HSPBAP1: variants seen among roughly 807,000 people sequenced by gnomAD.
The protein encoded by HSPBAP1 is HSPB1 associated protein 1.
Under a neutral mutation model 45.2 loss-of-function variants are expected in HSPBAP1, and 27 were observed. That is an observed-to-expected ratio of 0.60 (90% CI 0.44 to 0.82). HSPBAP1 has a LOEUF of 0.82. Ranked by LOEUF, HSPBAP1 falls within the 40% of genes least tolerant of loss-of-function variation. The probability of loss-of-function intolerance (pLI) is 0.00; values close to 1 mark genes in which losing one functional copy is unlikely to be tolerated. For missense variants in HSPBAP1, 510 were observed against 590.9 expected (o/e 0.86, Z 1.42); for synonymous variants, 204 against 202.7 (o/e 1.01, Z -0.06).
chr3:122,791,298 C>T (rs1237497108), intron 1 of HSPBAP1, among the ~76,000 whole-genome samples: 1 of 152,232 alleles, frequency 6.6e-6, no homozygotes, highest in Non-Finnish European at 1.5e-5. Context: ...GATTCCTTAA[C>T]TAGGCCTAAG....
chr3:122,758,741 T>G (rs1934444230), intron 4 of HSPBAP1: 1 of 453,810 alleles, frequency 2.2e-6, no homozygotes, highest in African/African-American at 2.0e-5. Flanking sequence ...ATAAAAAGTT[T>G]TTTAAATTAG....
In HSPBAP1 at chr3:122,741,023, C is replaced by A; in HGVS notation, c.916G>T (p.Ala306Ser). 6.2e-7 allele frequency: 1 copy of A among 1,613,938 alleles called. No individual in the cohort carries two copies. Among genetic ancestry groups the A allele is most frequent in the Non-Finnish European group, 8.5e-7 (1 of 1,179,834 alleles). ...KTAENPQNTR[A>S]WLNPTEVEET... ...CCTACCTCAGTGGGGTTTAACCAGG[C>A]TCTGGTATTTTGTGGATTCTCTGCA... The change falls in exon 7 of 8, where the codon GCC becomes TCC. Residue 306 changes from alanine (A) to serine (S), a missense_variant. By Grantham distance (99) the Ala-to-Ser change is moderately conservative (BLOSUM62 1). Coordinates refer to ENST00000306103, the MANE Select transcript of HSPBAP1 (RefSeq NM_024610.6).
At position 122,740,246 on chromosome 3, in the gene HSPBAP1, G is replaced by C; in HGVS notation, c.*99C>G. ...GGTAAGGATAAATACATTTACAAATGTGCAAACTGACCTTTTGCTGGTTCA... is the reference window on the plus strand; with the variant it reads ...GGTAAGGATAAATACATTTACAAATCTGCAAACTGACCTTTTGCTGGTTCA... On this transcript the variant is annotated 3_prime_UTR_variant, in exon 8 of 8. Transcript: ENST00000306103. The C allele has an allele frequency of 1.4e-6, 1 of 705,968 alleles. No individual in the cohort carries two copies. Among genetic ancestry groups the C allele is most frequent in the South Asian group, 3.1e-5 (1 of 31,838 alleles). The allele number at this position is 705,968 out of a possible 1,614,324, so 43.7% of individuals were successfully genotyped here. A position where few individuals can be genotyped will look rare whatever the true frequency, so the allele number is the denominator to read the frequency against.
In HSPBAP1 at chr3:122,740,414, C is replaced by T; in HGVS notation, c.1398G>A (p.Leu466=). Reference sequence around the variant, plus strand: ...TTACTTGTGGATTCACCAAGCAGTCCAGCAAGTCATCCGTAGAAATGAATG... The same window carrying T: ...TTACTTGTGGATTCACCAAGCAGTCTAGCAAGTCATCCGTAGAAATGAATG... The part of the protein sequence containing the change: ...PQTFISTDDL[L]DCLVNPQVTR... Residue 466 remains leucine (L), a synonymous_variant, in exon 8 of 8, where the codon CTG becomes CTA. Coordinates refer to ENST00000306103, the MANE Select transcript of HSPBAP1 (RefSeq NM_024610.6). 6.2e-7 allele frequency: 1 copy of T among 1,613,816 alleles called. No individual in the cohort carries two copies. Among genetic ancestry groups the T allele is most frequent in the South Asian group, 1.1e-5 (1 of 91,074 alleles).
At chr3:122,744,085 T>C (rs1386020587) in intron 6 of HSPBAP1, among the ~76,000 whole-genome samples, 2 of 152,316 alleles carry the variant, frequency 1.3e-5, no homozygotes, top group East Asian at 1.9e-4. Flanking sequence ...TTGTATTATA[T>C]ATTATGTTAC....
At position 122,775,736 on chromosome 3, in the gene HSPBAP1, G is replaced by A. The variant is rs9854485; in HGVS notation, c.250+1985C>T. Among the ~76,000 whole-genome samples, 641 of 152,302 alleles carry A rather than the reference G, an allele frequency of 4.2e-3. 1 individual carries two copies. The highest frequency in any genetic ancestry group is 7.2e-3 in the Non-Finnish European group (492 of 68,022). On this transcript the variant is annotated intron_variant, in intron 2 of 7. Coordinates refer to ENST00000306103, the MANE Select transcript of HSPBAP1 (RefSeq NM_024610.6). ...GCTTTGGAAAACGGTTTCTCAAAATGTTAAACACAGAATTACTGTATGACC... is the reference window on the plus strand; with the variant it reads ...GCTTTGGAAAACGGTTTCTCAAAATATTAAACACAGAATTACTGTATGACC...
intron 2 of HSPBAP1, among the ~76,000 whole-genome samples, chr3:122,770,746 CA>C (rs959290243): frequency 2.0e-5 from 3 of 152,050 alleles, no homozygotes; most frequent in African/African-American, 7.2e-5. Flanking sequence ...TCAACTTCAT[CA>C]AAAATTTACC....
intron 6 of HSPBAP1, among the ~76,000 whole-genome samples, chr3:122,742,681 T>C (rs1005311167): frequency 7.2e-5 from 11 of 152,232 alleles, no homozygotes; most frequent in Non-Finnish European, 1.2e-4. Context: ...TACTCAATAA[T>C]GTATGTGGTC....
chr3:122,772,725 TTAAAA>T (rs1421645446), intron 2 of HSPBAP1, among the ~76,000 whole-genome samples: 1 of 152,114 alleles, frequency 6.6e-6, no homozygotes, highest in Non-Finnish European at 1.5e-5. Flanking sequence ...ATTTCTGAAG[TTAAAA>T]TAAAAATGTT....
In HSPBAP1 at chr3:122,779,720, T is replaced by TA. The variant is rs1349104309; in HGVS notation, c.65-1815_65-1814insT. On this transcript the variant is annotated intron_variant, in intron 1 of 7. Transcript: ENST00000306103. ...GATTGGTGATGACTCTTAACGAGCATGCTGCCTTCAAGCATCTGTTTAACA... is the reference window on the plus strand; with the variant it reads ...GATTGGTGATGACTCTTAACGAGCATAGCTGCCTTCAAGCATCTGTTTAACA... 9.3e-5 allele frequency among the ~76,000 whole-genome samples: 14 copies of TA among 149,970 alleles called. No individual in the cohort carries two copies. The Admixed American group carries it at 9.4e-4, about 10-fold the overall frequency.
At chr3:122,792,282 T>C (rs1576282810) in intron 1 of HSPBAP1, among the ~76,000 whole-genome samples, 1 of 152,266 alleles carries the variant, frequency 6.6e-6, no homozygotes, top group African/African-American at 2.4e-5. Flanking sequence ...CGGGTGCAGG[T>C]ACAAAGAGGG....
At chr3:122,787,079 C>T (rs1273959440) in intron 1 of HSPBAP1, among the ~76,000 whole-genome samples, 1 of 152,106 alleles carries the variant, frequency 6.6e-6, no homozygotes, top group Non-Finnish European at 1.5e-5. Flanking sequence ...TAGGTCTAAA[C>T]TTGCAGCAGG....
At chr3:122,752,825 C>A in intron 5 of HSPBAP1, 151 bp from the exon 6 acceptor site, 1 of 1,394,198 alleles carries the variant, frequency 7.2e-7, no homozygotes, top group Non-Finnish European at 9.3e-7. Flanking sequence ...GAAAAAAAAC[C>A]CCGCAAACCT....
rs867420443 is a variant in HSPBAP1 at position 122,778,532 on chromosome 3, T to A, written c.65-626A>T. ...TATTTCTTTTTTTTTTATTTTTTTT[T>A]TTTTTTTGAGACGGAGTCTCGCTCT... On this transcript the variant is annotated intron_variant, in intron 1 of 7. Coordinates refer to ENST00000306103, the MANE Select transcript of HSPBAP1 (RefSeq NM_024610.6). 9.9e-4 allele frequency among the ~76,000 whole-genome samples: 149 copies of A among 150,556 alleles called. 1 individual carries two copies. In the East Asian group the frequency reaches 0.017, roughly 17 times the overall value.
At chr3:122,780,634 C>T (rs541361111) in intron 1 of HSPBAP1, among the ~76,000 whole-genome samples, 2,198 of 146,964 alleles carry the variant, frequency 0.015, 46 homozygotes, top group African/African-American at 0.052. Flanking sequence ...CCGGACAGGG[C>T]GGCTGGCCAG....
Position 122,777,758 on chromosome 3 carries a change from C to T in HSPBAP1, c.213G>A (p.Gln71=), listed in dbSNP as rs1367148282. ...TTTTCATCCCCATTCTGAATCGTAT[C>T]TGCTTGCCATGAAGGACCTGCGAAA... ...KYLSQVLHGK[Q]IRFRMGMKSM... The change falls in exon 2 of 8, where the codon CAG becomes CAA. Residue 71 remains glutamine (Q), a synonymous_variant. Coordinates refer to ENST00000306103, the MANE Select transcript of HSPBAP1 (RefSeq NM_024610.6). 1.2e-6 allele frequency: 2 copies of T among 1,614,002 alleles called. No homozygotes were observed. Among genetic ancestry groups the T allele is most frequent in the Admixed American group, 3.3e-5 (2 of 59,998 alleles).
chr3:122,793,520 TG>T, intron 1 of HSPBAP1, 96 bp downstream of exon 1: 2 of 1,001,782 alleles, frequency 2.0e-6, no homozygotes, highest in Non-Finnish European at 1.6e-6. Context: ...CAGAGAGACC[TG>T]GGTTGGGGCT....
intron 6 of HSPBAP1, among the ~76,000 whole-genome samples, chr3:122,747,310 C>T (rs1182671840): frequency 2.6e-5 from 4 of 152,008 alleles, no homozygotes; most frequent in African/African-American, 9.7e-5. Context: ...CGGCCGCGAC[C>T]CCATCTAGGA....
rs1933714142 is a variant in HSPBAP1 at position 122,742,801 on chromosome 3, C to A, written c.826-1688G>T. On this transcript the variant is annotated intron_variant, in intron 6 of 7. Coordinates refer to ENST00000306103, the MANE Select transcript of HSPBAP1 (RefSeq NM_024610.6). Reference sequence around the variant, plus strand: ...CCTATGTGAGTTTCCAGCCTGCCAGCCTGCCCTACAAATTTCAGACATGCC... The same window carrying A: ...CCTATGTGAGTTTCCAGCCTGCCAGACTGCCCTACAAATTTCAGACATGCC... 2.6e-5 allele frequency among the ~76,000 whole-genome samples: 4 copies of A among 152,180 alleles called. No homozygotes were observed. In the South Asian group the frequency reaches 8.3e-4, roughly 32 times the overall value.
Sources: allele counts gnomAD v4.1 joint callset (sites outside exome capture counted in the v4.1 genomes callset), GRCh38; gene constraint gnomAD v4.1.1; transcripts MANE v1.5; gene names NCBI Gene and HGNC (gene_info 2026-07-23, HGNC 2026-07-21).